Variants in ATL1 observed in about 807,000 individuals in gnomAD.
ATL1 encodes the protein atlastin GTPase 1, also known as atlastin-1.
In ATL1, 31 loss-of-function variants were observed where a neutral mutation model predicts 75.5. The ratio of observed to expected loss-of-function variants is 0.41; its 90% confidence interval spans 0.31 to 0.55. The LOEUF (loss-of-function observed/expected upper bound fraction) is 0.55. ATL1 is among the 20% of genes least tolerant of loss of function. ATL1 has a pLI of 0.27. For synonymous variants in ATL1, 226 were observed against 233.3 expected, an observed-to-expected ratio of 0.97 and a Z score of 0.28; for missense variants, 405 against 662.6, an observed-to-expected ratio of 0.61 and a Z score of 4.27.
At chr14:50,558,315 C>T (rs895437269), upstream of ATL1, among the ~76,000 whole-genome samples, 11 of 152,122 alleles carry the variant, frequency 7.2e-5, no homozygotes, top group Non-Finnish European at 1.6e-4. Flanking sequence ...GCTGAGATCA[C>T]GCCACTGCAC....
At chr14:50,544,232 T>G (rs1423761540) in intron 1 of ATL1, among the ~76,000 whole-genome samples, 1 of 152,222 alleles carries the variant, frequency 6.6e-6, no homozygotes, top group African/African-American at 2.4e-5. Flanking sequence ...AGATGAGGTA[T>G]GAGTTAAGGG....
chr14:50,555,913 A>G (rs1445935441), upstream of ATL1, among the ~76,000 whole-genome samples: 1 of 152,186 alleles, frequency 6.6e-6, no homozygotes, highest in Non-Finnish European at 1.5e-5. Context: ...TGAACCATCA[A>G]CTATTGAGAA....
intron 1 of ATL1, among the ~76,000 whole-genome samples, chr14:50,567,202 C>T (rs2038912224): frequency 6.6e-6 from 1 of 152,172 alleles, no homozygotes; most frequent in South Asian, 2.1e-4. Context: ...CTGTGTACCT[C>T]ACGTTAGTGG....
rs2934684 is a variant in ATL1, at chr14:50,591,516, G to T, written c.418-19G>T. 0.74 allele frequency: 1,138,217 copies of T among 1,532,152 alleles called. 425,519 individuals carry two copies. The highest frequency in any genetic ancestry group is 0.93 in the African/African-American group (68,492 of 73,422). 94.9% of individuals were successfully genotyped at this position (1,532,152 alleles called of 1,614,324 possible). The stretch of plus-strand genomic sequence containing the variant: ...AGATGTTCTATAAAATATCAATAAT[G>T]TACTCTTCTTGCCTGTAGGTTGCAG... On this transcript the variant is annotated intron_variant, in intron 3 of 13. Transcript: ENST00000358385.
At chr14:50,627,203 T>C (rs2039529781) in intron 11 of ATL1, among the ~76,000 whole-genome samples, 1 of 152,240 alleles carries the variant, frequency 6.6e-6, no homozygotes, top group African/African-American at 2.4e-5. Flanking sequence ...AAAAGATTGA[T>C]GTGCTGAAGG....
chr14:50,622,848 T>C (rs1224200251), intron 10 of ATL1, among the ~76,000 whole-genome samples: 1 of 152,224 alleles, frequency 6.6e-6, no homozygotes, highest in Non-Finnish European at 1.5e-5. Flanking sequence ...AAATGTACTA[T>C]GTATTATTCC....
At chr14:50,609,906 A>T (rs1045053276) in intron 6 of ATL1, among the ~76,000 whole-genome samples, 3 of 152,016 alleles carry the variant, frequency 2.0e-5, no homozygotes, top group Non-Finnish European at 4.4e-5. Context: ...TTTGTTCGTG[A>T]TACTAGCCAG....
intron 1 of ATL1, among the ~76,000 whole-genome samples, chr14:50,583,116 C>A (rs1264375761): frequency 3.3e-5 from 5 of 151,990 alleles, no homozygotes; most frequent in Non-Finnish European, 5.9e-5. Flanking sequence ...CAAAAGTAAC[C>A]CCAATAGGCA....
At chr14:50,574,939 A>ATG (rs1439816853) in intron 1 of ATL1, among the ~76,000 whole-genome samples, 4 of 53,094 alleles carry the variant, frequency 7.5e-5, no homozygotes, top group African/African-American at 1.5e-4. Context: ...GTGTGTGTGT[A>ATG]TATATATATA....
At position 50,628,446 on chromosome 14, in the gene ATL1, C is replaced by T. The variant is rs1437963899; in HGVS notation, c.1535C>T (p.Ala512Val). The change falls in exon 12 of 14, where the codon GCA becomes GTA. Residue 512 changes from alanine to valine, a missense_variant. Physicochemically the swap from Ala to Val is moderately conservative, Grantham distance 64 (BLOSUM62 0). Coordinates refer to ENST00000358385, the MANE Select transcript of ATL1 (RefSeq NM_015915.5). ...GGAGCTGTAATAGACCAGGTGGCTGCAGCTCTGTGGGACCAGGTAAGAACA... is the reference window on the plus strand; with the variant it reads ...GGAGCTGTAATAGACCAGGTGGCTGTAGCTCTGTGGGACCAGGTAAGAACA... ...ELGAVIDQVA[A>V]ALWDQGSTNE... is the part of the protein sequence containing the mutation. The T allele has an allele frequency of 6.2e-7, 1 of 1,613,936 alleles. No homozygotes were observed.
At chr14:50,550,147 C>T (rs1211557158) in intron 1 of ATL1, among the ~76,000 whole-genome samples, 1 of 152,174 alleles carries the variant, frequency 6.6e-6, no homozygotes, top group Non-Finnish European at 1.5e-5. Flanking sequence ...ATCAGCAGCA[C>T]TGATGCCTGC....
At chr14:50,619,210 C>T (rs371563272) in intron 8 of ATL1, among the ~76,000 whole-genome samples, 43 of 152,212 alleles carry the variant, frequency 2.8e-4, no homozygotes, top group South Asian at 1.9e-3. Context: ...ATGCCACCCA[C>T]GCCTGGCTAA....
chr14:50,627,902 CA>C (rs1237116669), intron 11 of ATL1, 128 bp from the exon 12 acceptor site: 6 of 870,586 alleles, frequency 6.9e-6, no homozygotes, highest in African/African-American at 6.7e-5. Flanking sequence ...TGTGGGCTGA[CA>C]AAACATATAT....
At chr14:50,568,433 C>T (rs2038924675) in intron 1 of ATL1, among the ~76,000 whole-genome samples, 2 of 152,034 alleles carry the variant, frequency 1.3e-5, no homozygotes, top group Admixed American at 1.3e-4. Context: ...TCTTTGTTTT[C>T]TGTTAACTTC....
intron 1 of ATL1, among the ~76,000 whole-genome samples, chr14:50,552,276 T>A (rs907539466): frequency 2.0e-5 from 3 of 149,670 alleles, no homozygotes; most frequent in African/African-American, 4.9e-5. Context: ...CAAAAAAAAA[T>A]TAATTAAATA....
At chr14:50,616,727 AAG>A (rs2039419500) in intron 8 of ATL1, among the ~76,000 whole-genome samples, 1 of 152,304 alleles carries the variant, frequency 6.6e-6, no homozygotes, top group East Asian at 1.9e-4. Flanking sequence ...GCCTAGGAAA[AAG>A]AGTAGTGAAA....
At chr14:50,632,183 T>C (rs765235762) in intron 13 of ATL1, 46 bp from the exon 14 acceptor site, 2 of 1,409,216 alleles carry the variant, frequency 1.4e-6, no homozygotes, top group South Asian at 2.5e-5. Context: ...ATTTTACATC[T>C]GTGTGTTTAA....
intron 6 of ATL1, among the ~76,000 whole-genome samples, chr14:50,610,405 T>C (rs1426975543): frequency 2.6e-5 from 4 of 152,092 alleles, no homozygotes; most frequent in Non-Finnish European, 5.9e-5. Flanking sequence ...AATTTGTTAA[T>C]TAACTATGAA....
At chr14:50,574,874 T>G (rs1466517817) in intron 1 of ATL1, among the ~76,000 whole-genome samples, 1 of 148,298 alleles carries the variant, frequency 6.7e-6, no homozygotes, top group Non-Finnish European at 1.5e-5. Context: ...AAGGTATGTG[T>G]ATTTTTAAAT....
Sources: allele counts gnomAD v4.1 joint callset (sites outside exome capture counted in the v4.1 genomes callset), GRCh38; gene constraint gnomAD v4.1.1; transcripts MANE v1.5; gene names NCBI Gene and HGNC (gene_info 2026-07-23, HGNC 2026-07-21).